Variants in SCAF4 observed in about 807,000 individuals in gnomAD.
SCAF4 encodes SR-related and CTD-associated factor 4.
In SCAF4, 25 loss-of-function variants were observed where a neutral mutation model predicts 129.8. The observed-to-expected ratio is 0.19, with a 90% CI of 0.14 to 0.27. The LOEUF (loss-of-function observed/expected upper bound fraction) is 0.27. Among genes scored for constraint, SCAF4 ranks in the 10% least tolerant of loss-of-function variants. The pLI is 1.00. For synonymous variants in SCAF4, 551 were observed against 497.7 expected, an observed-to-expected ratio of 1.11 and a Z score of -1.43; for missense variants, 1,246 against 1,457.1, an observed-to-expected ratio of 0.86 and a Z score of 2.36.
At chr21:31,685,885 T>G (rs745997090) in intron 16 of SCAF4, 152 bp from the exon 17 acceptor site, 14 of 718,982 alleles carry the variant, frequency 1.9e-5, no homozygotes, top group Non-Finnish European at 2.7e-5. Flanking sequence ...GGTAGTTAAC[T>G]TCTATTCATA....
chr21:31,700,365 CAA>C (rs1460600295), intron 7 of SCAF4, among the ~76,000 whole-genome samples: 1 of 152,036 alleles, frequency 6.6e-6, no homozygotes, highest in African/African-American at 2.4e-5. Context: ...CTCGACCTCC[CAA>C]AGTGTTGGGA....
chr21:31,689,308 A>G (rs2050202027), intron 15 of SCAF4, among the ~76,000 whole-genome samples: 1 of 150,248 alleles, frequency 6.7e-6, no homozygotes, highest in South Asian at 2.1e-4. Flanking sequence ...ATTTTATTTT[A>G]ATTTTTTGAG....
intron 7 of SCAF4, among the ~76,000 whole-genome samples, chr21:31,698,644 T>A (rs1307719326): frequency 6.6e-6 from 1 of 152,154 alleles, no homozygotes; most frequent in Non-Finnish European, 1.5e-5. Flanking sequence ...AGACTCTGAG[T>A]AAAGCAGATT....
chr21:31,710,572 A>G (rs2050776603), intron 1 of SCAF4, among the ~76,000 whole-genome samples: 1 of 152,160 alleles, frequency 6.6e-6, no homozygotes, highest in Admixed American at 6.5e-5. Flanking sequence ...CAAACAAACA[A>G]AAAAACCACA....
At position 31,703,356 on chromosome 21, in the gene SCAF4, T is replaced by C. The variant is rs113622361; in HGVS notation, c.321+409A>G. Among the ~76,000 whole-genome samples, 1,448 of 151,916 alleles carry C rather than the reference T, an allele frequency of 9.5e-3. 26 individuals carry two copies. Among genetic ancestry groups the C allele is most frequent in the African/African-American group, 0.033 (1,368 of 41,422 alleles). The stretch of plus-strand genomic sequence containing the variant: ...TAAGAACACTTAACATGAGATCTAC[T>C]CACTTAGCCAATTTTTAAGTGTACA... On this transcript the variant is annotated intron_variant, in intron 4 of 19. Transcript: ENST00000286835.
chr21:31,718,587 C>G (rs1424898805), intron 1 of SCAF4, among the ~76,000 whole-genome samples: 1 of 152,216 alleles, frequency 6.6e-6, no homozygotes, highest in East Asian at 1.9e-4. Flanking sequence ...TGAGCCACCT[C>G]ATCCCACCCC....
At chr21:31,696,011 C>G in intron 9 of SCAF4, 102 bp downstream of exon 9, 1 of 677,532 alleles carries the variant, frequency 1.5e-6, no homozygotes, top group African/African-American at 1.8e-5. Context: ...AGATATAGTA[C>G]GACTTAGCCA....
At chr21:31,689,138 A>G (rs978948620) in intron 15 of SCAF4, among the ~76,000 whole-genome samples, 21 of 152,110 alleles carry the variant, frequency 1.4e-4, no homozygotes, top group Non-Finnish European at 5.9e-5. Context: ...TGTCCAGCAC[A>G]TAGTAGGCCC....
At chr21:31,710,035 GA>G (rs926133281) in intron 1 of SCAF4, among the ~76,000 whole-genome samples, 61 of 148,806 alleles carry the variant, frequency 4.1e-4, no homozygotes, top group East Asian at 1.8e-3. Context: ...AATATAGGGG[GA>G]AAAAAAAAAT....
chr21:31,706,461 G>A (rs1490595769), intron 1 of SCAF4, 104 bp from the exon 2 acceptor site: 9 of 760,918 alleles, frequency 1.2e-5, no homozygotes, highest in African/African-American at 3.6e-5. Flanking sequence ...TACAAACGGG[G>A]CCGGGGTGGT....
intron 4 of SCAF4, among the ~76,000 whole-genome samples, chr21:31,703,538 A>G (rs1288922391): frequency 1.3e-5 from 2 of 152,082 alleles, no homozygotes; most frequent in Non-Finnish European, 2.9e-5. Flanking sequence ...TTGATTCTAT[A>G]AATTTTGTTC....
Position 31,672,179 on chromosome 21 carries a change from T to A in SCAF4, c.2664A>T (p.Arg888Ser). ...AGCCCCCTGGTCCTGGCGGTGGGCC[T>A]CTGTGCATCATGTGCGGTGGCATGG... ...PRPMPPHMMH[R>S]GPPPGPGGFA... Residue 888 changes from arginine (R) to serine (S), a missense_variant, in exon 20 of 20, where the codon AGA becomes AGT. This residue lies in a region of SCAF4 where 468 missense variants were observed against 605.5 expected (regional missense o/e 0.77). Transcript: ENST00000286835. 1 of 1,604,614 alleles carries A rather than the reference T, an allele frequency of 6.2e-7. No homozygotes were observed. Among genetic ancestry groups the A allele is most frequent in the Non-Finnish European group, 8.5e-7 (1 of 1,173,894 alleles).
chr21:31,677,111 TA>T lies in SCAF4; in HGVS notation c.2489-4758del, dbSNP rs529743079. ...CTTATCATTTTTTTAAAAAGGTCTT[TA>T]GAAAAAGACTTTTTCATCCACCCAC... On this transcript the variant is annotated intron_variant, in intron 19 of 19. Transcript: ENST00000286835. Among the ~76,000 whole-genome samples, 26 of 152,270 alleles carry T rather than the reference TA, an allele frequency of 1.7e-4. 1 individual carries two copies. In the East Asian group the frequency reaches 5.0e-3, roughly 29 times the overall value.
At chr21:31,694,426 G>T (rs1301410526) in intron 10 of SCAF4, 137 bp from the exon 11 acceptor site, 1 of 564,784 alleles carries the variant, frequency 1.8e-6, no homozygotes, top group Non-Finnish European at 3.1e-6. Context: ...CAAATTACTA[G>T]TAACAACTGG....
intron 1 of SCAF4, among the ~76,000 whole-genome samples, chr21:31,728,135 G>C (rs1568871507): frequency 6.6e-6 from 1 of 152,058 alleles, no homozygotes; most frequent in Non-Finnish European, 1.5e-5. Context: ...GGTAAACTAT[G>C]CTATTCTACA....
chr21:31,685,208 T>C lies in SCAF4; in HGVS notation c.2329A>G (p.Lys777Glu), dbSNP rs1227338634. The change falls in exon 19 of 20, where the codon AAA (lysine) becomes GAA (glutamate). Residue 777 changes from lysine (K) to glutamate (E), a missense_variant. Physicochemically the swap from Lys to Glu is moderately conservative, Grantham distance 56. Around this residue, in one of 6 missense-constraint regions of SCAF4, gnomAD observed 468 missense variants for 605.5 expected, o/e 0.77. Transcript: ENST00000286835. Reference protein sequence around the residue: ...TIAGINEDTTKDLSIGNPIPT... With the variant: ...TIAGINEDTTEDLSIGNPIPT... ...ATGGGATTTCCAATAGATAAGTCTT[T>C]TGTAGTGTCTTCATTTATACCAGCG... 6.2e-7 allele frequency: 1 copy of C among 1,610,606 alleles called. No homozygotes were observed. Among genetic ancestry groups the C allele is most frequent in the East Asian group, 2.2e-5 (1 of 44,888 alleles).
In SCAF4 at chr21:31,694,969, A is replaced by G; in HGVS notation, c.1080T>C (p.Pro360=). The G allele has an allele frequency of 6.2e-7, 1 of 1,613,878 alleles. No homozygotes were observed. Among genetic ancestry groups the G allele is most frequent in the Non-Finnish European group, 8.5e-7 (1 of 1,179,788 alleles). Residue 360 remains proline (P), a synonymous_variant, in exon 10 of 20, where the codon CCT becomes CCC. Transcript: ENST00000286835. The part of the protein sequence containing the change: ...QDPMHHQVPL[P]PNGQMPGFGL... ...CAAATCCTGGCATTTGTCCATTAGG[A>G]GGAAGTGGAACCTTTCATTTTTAAA...
intron 19 of SCAF4, 67 bp downstream of exon 19, chr21:31,684,982 G>GGGGAT: frequency 1.6e-6 from 1 of 616,232 alleles, no homozygotes; most frequent in Non-Finnish European, 2.8e-6. Flanking sequence ...AATCTAACTT[G>GGGGAT]GGGATGGGTG....
At chr21:31,710,083 G>A (rs931628442) in intron 1 of SCAF4, among the ~76,000 whole-genome samples, 3 of 152,104 alleles carry the variant, frequency 2.0e-5, no homozygotes, top group African/African-American at 7.2e-5. Flanking sequence ...ATATTGTCTG[G>A]ATTCAGGGAT....
Sources: gnomAD v4.1 joint callset for allele counts (sites outside exome capture counted in the v4.1 genomes callset) on GRCh38, gnomAD v4.1.1 for gene constraint, gnomAD v4.1.1 regional missense constraint, MANE v1.5 for transcripts, NCBI Gene and HGNC (gene_info 2026-07-23, HGNC 2026-07-21) for gene names.